The following UST variants were observed in gnomAD, a reference collection of about 807,000 sequenced individuals.
UST encodes the protein uronyl 2-sulfotransferase, also known as chondroitin sulfate 2-O-sulfotransferase.
Under a neutral mutation model 45.6 loss-of-function variants are expected in UST, and 21 were observed. The observed-to-expected ratio is 0.46, with a 90% CI of 0.33 to 0.66. The LOEUF (loss-of-function observed/expected upper bound fraction) is 0.66, where lower values mean the gene tolerates loss of function less well. Among genes scored for constraint, UST ranks in the 30% least tolerant of loss-of-function variants. The pLI, the probability that UST is intolerant of heterozygous loss-of-function variation, is 0.02. For synonymous variants in UST, 215 were observed against 200.6 expected, an observed-to-expected ratio of 1.07 and a Z score of -0.61; for missense variants, 463 against 512.4, an observed-to-expected ratio of 0.90 and a Z score of 0.93.
intron 7 of UST, among the ~76,000 whole-genome samples, chr6:149,059,096 A>C (rs1776615723): frequency 6.6e-6 from 1 of 152,202 alleles, no homozygotes; most frequent in Non-Finnish European, 1.5e-5. Flanking sequence ...AAAGCCAGGA[A>C]GCCAGAGCTG....
At chr6:149,043,053 C>T (rs141237826) in intron 7 of UST, among the ~76,000 whole-genome samples, 5,555 of 143,744 alleles carry the variant, frequency 0.039, 367 homozygotes, top group African/African-American at 0.14. Flanking sequence ...TTCCTTCTTT[C>T]CTTCTTTCCT....
In UST at chr6:148,796,614, ACT is replaced by A. The variant is rs1167254246; in HGVS notation, c.247+48940_247+48941del. 3.7e-5 allele frequency among the ~76,000 whole-genome samples: 4 copies of A among 106,914 alleles called. No homozygotes were observed. The East Asian group carries it at 1.6e-3, about 42-fold the overall frequency. The allele number at this position is 106,914 out of a possible 152,430, so 70.1% of individuals were successfully genotyped here. A position where few individuals can be genotyped will look rare whatever the true frequency, so the allele number is the denominator to read the frequency against. On this transcript the variant is annotated intron_variant, in intron 1 of 7. Transcript: ENST00000367463. ...ACTCCAGCCTGGACGACAGGGCAAG[ACT>A]CTGTCTCAAAAAAAAAAAAAAAAAA...
At chr6:149,050,026 C>T (rs971036971) in intron 7 of UST, among the ~76,000 whole-genome samples, 16 of 149,810 alleles carry the variant, frequency 1.1e-4, no homozygotes, top group Admixed American at 3.3e-4. Flanking sequence ...CCCTGAAATA[C>T]TAAAGTTCTA....
rs117306175 is a variant in UST at position 149,003,410 on chromosome 6, G to A, written c.682-15729G>A. Among the ~76,000 whole-genome samples the A allele has an allele frequency of 3.5e-4, 52 of 150,012 alleles. No homozygotes were observed. The East Asian group carries it at 8.6e-3, about 25-fold the overall frequency. On this transcript the variant is annotated intron_variant, in intron 5 of 7. Coordinates refer to ENST00000367463, the MANE Select transcript of UST (RefSeq NM_005715.3). ...AAAATTTTTGCCAAAATATTTTAAC[G>A]TCATTTTGATGTCCAATTTGGTAAA...
At chr6:148,837,706 C>CT (rs577045780) in intron 1 of UST, among the ~76,000 whole-genome samples, 2,159 of 147,212 alleles carry the variant, frequency 0.015, 28 homozygotes, top group Middle Eastern at 0.031. Flanking sequence ...TTTTTCTCTC[C>CT]TTTTTTTGAG....
intron 1 of UST, among the ~76,000 whole-genome samples, chr6:148,811,341 G>T (rs929510188): frequency 6.6e-6 from 1 of 152,186 alleles, no homozygotes; most frequent in East Asian, 1.9e-4. Context: ...TGAGGCCTAA[G>T]CTCAAAACCA....
intron 1 of UST, among the ~76,000 whole-genome samples, chr6:148,807,113 G>GA (rs1399671349): frequency 3.9e-5 from 6 of 152,142 alleles, no homozygotes; most frequent in African/African-American, 1.4e-4. Context: ...TGGAGCGAAG[G>GA]AAAAATCCCC....
chr6:148,891,646 C>T (rs1198395205), intron 2 of UST, among the ~76,000 whole-genome samples: 1 of 152,090 alleles, frequency 6.6e-6, no homozygotes, highest in African/African-American at 2.4e-5. Context: ...TGTTTTTAAC[C>T]ATTTCAAAAT....
chr6:148,788,663 T>G (rs931879340), intron 1 of UST, among the ~76,000 whole-genome samples: 6 of 152,076 alleles, frequency 3.9e-5, no homozygotes, highest in African/African-American at 1.2e-4. Context: ...TCTTAAGAGC[T>G]CTTAAAAAAA....
In UST at chr6:148,887,018, C is replaced by T. The variant is rs1399817255; in HGVS notation, c.280C>T (p.Pro94Ser). ...CACTTACTTGGATGACCATGGACCACCTCCTAGTAAGGTAAGATCTTTGCT... is the reference window on the plus strand; with the variant it reads ...CACTTACTTGGATGACCATGGACCATCTCCTAGTAAGGTAAGATCTTTGCT... ...NSTYLDDHGP[P>S]PSKVLPFPSQ... Residue 94 changes from proline to serine, a missense_variant, in exon 2 of 8, where the codon CCT (proline) becomes TCT (serine). This residue lies in a region of UST where 176 missense variants were observed against 138.3 expected (regional missense o/e 1.27). Transcript: ENST00000367463. 6.2e-7 allele frequency: 1 copy of T among 1,612,836 alleles called. No homozygotes were observed. The highest frequency in any genetic ancestry group is 8.5e-7 in the Non-Finnish European group (1 of 1,179,420).
intron 5 of UST, among the ~76,000 whole-genome samples, chr6:149,003,465 C>T (rs1781590905): frequency 2.6e-5 from 4 of 151,560 alleles, no homozygotes; most frequent in Admixed American, 1.3e-4. Context: ...AACATTAAGG[C>T]ACCTAGTAGT....
intron 1 of UST, among the ~76,000 whole-genome samples, chr6:148,820,657 T>C (rs951005893): frequency 6.6e-5 from 10 of 151,952 alleles, no homozygotes; most frequent in Non-Finnish European, 1.3e-4. Context: ...AAGACCATCC[T>C]GGCTAACACG....
chr6:148,972,882 A>ATT (rs61252767), intron 5 of UST, among the ~76,000 whole-genome samples: 213 of 148,906 alleles, frequency 1.4e-3, no homozygotes, highest in Middle Eastern at 3.5e-3. Flanking sequence ...GGGCTTTGGG[A>ATT]TTTTTTTTTT....
intron 4 of UST, among the ~76,000 whole-genome samples, chr6:148,957,467 G>A (rs967899423): frequency 6.6e-6 from 1 of 152,072 alleles, no homozygotes; most frequent in African/African-American, 2.4e-5. Flanking sequence ...TTTTGAGATG[G>A]AGTCTTACTC....
Position 148,865,664 on chromosome 6 carries a change from TTGTGTGTGTGTGTGTGTGTG to T in UST, c.248-21291_248-21272del, listed in dbSNP as rs56252604. Among the ~76,000 whole-genome samples, 164 of 117,908 alleles carry T rather than the reference TTGTGTGTGTGTGTGTGTGTG, an allele frequency of 1.4e-3. 1 individual carries two copies. The highest frequency in any genetic ancestry group is 4.3e-3 in the Middle Eastern group (1 of 230). 77.4% of individuals were successfully genotyped at this position (117,908 alleles called of 152,430 possible). Reference sequence around the variant, plus strand: ...TTGACCCATTCTTTCCTTGCTGAAATTGTGTGTGTGTGTGTGTGTGTGTGTGTGTGTGTGTGTGTGTGTGT... The same window carrying T: ...TTGACCCATTCTTTCCTTGCTGAAATTGTGTGTGTGTGTGTGTGTGTGTGT... On this transcript the variant is annotated intron_variant, in intron 1 of 7. Coordinates refer to ENST00000367463, the MANE Select transcript of UST (RefSeq NM_005715.3).
intron 7 of UST, among the ~76,000 whole-genome samples, chr6:149,028,320 G>A (rs2115023705): frequency 6.6e-6 from 1 of 152,298 alleles, no homozygotes; most frequent in East Asian, 1.9e-4. Flanking sequence ...TGTGAGTCTT[G>A]CATGATCAAT....
intron 7 of UST, among the ~76,000 whole-genome samples, chr6:149,041,016 A>G (rs374492465): frequency 6.6e-6 from 1 of 152,218 alleles, no homozygotes; most frequent in Non-Finnish European, 1.5e-5. Flanking sequence ...TGTTATACAG[A>G]AACATTGCCC....
chr6:149,054,058 C>G (rs542577483), intron 7 of UST, among the ~76,000 whole-genome samples: 126 of 152,276 alleles, frequency 8.3e-4, no homozygotes, highest in African/African-American at 2.9e-3. Flanking sequence ...CTATTCTCAC[C>G]CCATCCCCCC....
rs528073699 is a variant in UST, at chr6:149,032,173, G to A, written c.937+10692G>A. Among the ~76,000 whole-genome samples, 6 of 152,216 alleles carry A rather than the reference G, an allele frequency of 3.9e-5. No homozygotes were observed. The South Asian group carries it at 6.2e-4, about 16-fold the overall frequency. On this transcript the variant is annotated intron_variant, in intron 7 of 7. Coordinates refer to ENST00000367463, the MANE Select transcript of UST (RefSeq NM_005715.3). The stretch of plus-strand genomic sequence containing the variant: ...CTGAGTCACTCATACCAATCTCAGC[G>A]CCAGTGGCCAAGCCGCTGCTGCCGG...
Sources: gnomAD v4.1 joint callset for allele counts (sites outside exome capture counted in the v4.1 genomes callset) on GRCh38, gnomAD v4.1.1 for gene constraint, gnomAD v4.1.1 regional missense constraint, MANE v1.5 for transcripts, NCBI Gene and HGNC (gene_info 2026-07-23, HGNC 2026-07-21) for gene names.